MYO7B: variants seen among roughly 807,000 people sequenced by gnomAD.
The protein encoded by MYO7B is unconventional myosin-VIIb.
Under a neutral mutation model 259.7 loss-of-function variants are expected in MYO7B, and 212 were observed. The ratio of observed to expected loss-of-function variants is 0.82; its 90% confidence interval spans 0.73 to 0.91. The LOEUF (loss-of-function observed/expected upper bound fraction) is 0.91, where lower values mean the gene tolerates loss of function less well. MYO7B is among the 40% of genes least tolerant of loss of function. The pLI, the probability that MYO7B is intolerant of heterozygous loss-of-function variation, is 0.00. For missense variants in MYO7B, 2,732 were observed against 2,813.5 expected, an observed-to-expected ratio of 0.97 and a Z score of 0.66; for synonymous variants, 1,197 against 1,166.4, an observed-to-expected ratio of 1.03 and a Z score of -0.54.
At chr2:127,634,426 G>C in intron 41 of MYO7B, 137 bp downstream of exon 41, 1 of 881,982 alleles carries the variant, frequency 1.1e-6, no homozygotes, top group East Asian at 2.7e-5. Context: ...CTGGGACAGA[G>C]GTAGGTGGGG....
In MYO7B at chr2:127,627,644, G is replaced by C. The variant is rs1479523611; in HGVS notation, c.4460+334G>C. On this transcript the variant is annotated intron_variant, in intron 33 of 47. Coordinates refer to ENST00000409816, the MANE Select transcript of MYO7B (RefSeq NM_001393586.1). This position sits in a 1 kb window ranked among gnomAD's most constrained non-coding sequence, Gnocchi z 5.6. ...CCTTTCTTTGTCATGGACGAGAACTGGTGGCCTGGAGGGTACAGGTTGTCT... is the reference window on the plus strand; with the variant it reads ...CCTTTCTTTGTCATGGACGAGAACTCGTGGCCTGGAGGGTACAGGTTGTCT... 2.1e-6 allele frequency: 1 copy of C among 477,332 alleles called. No homozygotes were observed. The highest frequency in any genetic ancestry group is 4.1e-6 in the Non-Finnish European group (1 of 241,326). 29.6% of individuals were successfully genotyped at this position (477,332 alleles called of 1,614,324 possible).
chr2:127,536,913 G>GC (rs1692802688), intron 1 of MYO7B, among the ~76,000 whole-genome samples: 1 of 152,180 alleles, frequency 6.6e-6, no homozygotes, highest in Non-Finnish European at 1.5e-5. Context: ...GGCTGTCTTG[G>GC]GGCCTGCTGC....
Position 127,615,753 on chromosome 2 carries a change from C to G in MYO7B, c.3398+3150C>G, listed in dbSNP as rs193198947. ...GTGGTATACTAGATCACGACTCTCACTCTTTCGGCCTGCAACATCTCTCCC... is the reference window on the plus strand; with the variant it reads ...GTGGTATACTAGATCACGACTCTCAGTCTTTCGGCCTGCAACATCTCTCCC... On this transcript the variant is annotated intron_variant, in intron 26 of 47. Coordinates refer to ENST00000409816, the MANE Select transcript of MYO7B (RefSeq NM_001393586.1). This position sits in a 1 kb window ranked among gnomAD's most constrained non-coding sequence, Gnocchi z 4.4. Among the ~76,000 whole-genome samples the G allele has an allele frequency of 7.8e-4, 118 of 152,010 alleles. 1 individual carries two copies. Among genetic ancestry groups the G allele is most frequent in the South Asian group, 5.6e-3 (27 of 4,798 alleles).
At chr2:127,570,058 T>TG (rs1678530906) in intron 6 of MYO7B, 148 bp downstream of exon 6, 1 of 1,047,608 alleles carries the variant, frequency 9.5e-7, no homozygotes, top group African/African-American at 1.6e-5. Flanking sequence ...GTGGGGTGCA[T>TG]GGTAGGGGAA....
chr2:127,622,133 G>C, intron 28 of MYO7B, 32 bp downstream of exon 28: 3 of 1,538,532 alleles, frequency 1.9e-6, no homozygotes, highest in Non-Finnish European at 2.6e-6. Flanking sequence ...AGCGGGCAGG[G>C]TGGGGTGGTG....
At chr2:127,593,720 G>A (rs540337490) in intron 18 of MYO7B, 76 bp downstream of exon 18, 3 of 1,301,102 alleles carry the variant, frequency 2.3e-6, no homozygotes, top group African/African-American at 2.9e-5. Context: ...CCAGGCCCGG[G>A]GTCCATGGTC....
chr2:127,549,362 G>T (rs751540382), intron 1 of MYO7B, among the ~76,000 whole-genome samples: 7 of 152,230 alleles, frequency 4.6e-5, no homozygotes, highest in Non-Finnish European at 8.8e-5. Flanking sequence ...ACATGTACAG[G>T]TTCGTTACGT....
rs371028281 is a variant in MYO7B at position 127,579,750 on chromosome 2, C to T, written c.1004-996C>T. Among the ~76,000 whole-genome samples, 15 of 152,232 alleles carry T rather than the reference C, an allele frequency of 9.9e-5. No individual in the cohort carries two copies. The East Asian group carries it at 1.9e-3, about 20-fold the overall frequency. On this transcript the variant is annotated intron_variant, in intron 9 of 47. Transcript: ENST00000409816. ...ACAGGGGTCTGCCACCACAGCCTGGCTAATTTTGTATTTTTAGTAAAGATG... is the reference window on the plus strand; with the variant it reads ...ACAGGGGTCTGCCACCACAGCCTGGTTAATTTTGTATTTTTAGTAAAGATG...
chr2:127,595,486 T>G lies in MYO7B; in HGVS notation c.2245-976T>G, dbSNP rs562212825. Among the ~76,000 whole-genome samples the G allele has an allele frequency of 4.6e-4, 70 of 152,358 alleles. No individual in the cohort carries two copies. The South Asian group carries it at 9.9e-3, about 22-fold the overall frequency. ...TATCTCCTTCAGTTCTGCTCTGATCTTGGTTTCTTCTTGTCTTCTGCTAAT... is the reference window on the plus strand; with the variant it reads ...TATCTCCTTCAGTTCTGCTCTGATCGTGGTTTCTTCTTGTCTTCTGCTAAT... On this transcript the variant is annotated intron_variant, in intron 18 of 47. Transcript: ENST00000409816.
chr2:127,606,129 A>G (rs1680150641), intron 20 of MYO7B, among the ~76,000 whole-genome samples: 1 of 152,196 alleles, frequency 6.6e-6, no homozygotes, highest in Non-Finnish European at 1.5e-5. Context: ...CTCTGGCCCC[A>G]TGGTCTGCAG....
In MYO7B at chr2:127,635,142, C is replaced by T. The variant is rs140035193; in HGVS notation, c.5736C>T (p.Tyr1912=). 713 of 1,613,288 alleles carry T rather than the reference C, an allele frequency of 4.4e-4. 5 individuals carry two copies. In the African/African-American group the frequency reaches 8.8e-3, roughly 20 times the overall value. ...CAGGGGCCCCCGTGACGCTCCCCTA[C>T]CAGGTGTACTTCATGCGGAAATTGT... ...QKEGAPVTLP[Y]QVYFMRKLWL... is the part of the protein sequence containing the mutation. The change falls in exon 43 of 48, where the codon TAC becomes TAT. Residue 1912 remains tyrosine, a synonymous_variant. Coordinates refer to ENST00000409816, the MANE Select transcript of MYO7B (RefSeq NM_001393586.1).
Position 127,635,223 on chromosome 2 carries a change from CCAGGTACCGGG to C in MYO7B, c.5820+2_5820+12del. ...ATGCAGACACCATACTCCATTACCA[CCAGGTACCGGG>C]CAGGCTGCCCTGGTGGGCACTGGGG... is the stretch of plus-strand genomic sequence containing the variant. On this transcript the variant is annotated splice_donor_variant and splice_donor_5th_base_variant and coding_sequence_variant and intron_variant, in exon 43 of 48. Coordinates refer to ENST00000409816, the MANE Select transcript of MYO7B (RefSeq NM_001393586.1). LOFTEE classifies it high-confidence loss of function. 1 of 1,612,374 alleles carries C rather than the reference CCAGGTACCGGG, an allele frequency of 6.2e-7. No homozygotes were observed. Among genetic ancestry groups the C allele is most frequent in the South Asian group, 1.1e-5 (1 of 90,830 alleles).
At chr2:127,625,314 G>C (rs917584685) in intron 30 of MYO7B, 54 bp from the exon 31 acceptor site, 11 of 1,442,866 alleles carry the variant, frequency 7.6e-6, no homozygotes, top group African/African-American at 7.2e-5. Flanking sequence ...TCCTGGGGAA[G>C]GGGGGAGCTC....
chr2:127,634,355 C>T, intron 41 of MYO7B, 66 bp downstream of exon 41: 1 of 1,243,972 alleles, frequency 8.0e-7, no homozygotes. Flanking sequence ...TAGGTGCTGC[C>T]TGTGGGGGCC....
chr2:127,577,086 C>T lies in MYO7B; in HGVS notation c.849+378C>T, dbSNP rs193038571. Among the ~76,000 whole-genome samples the T allele has an allele frequency of 9.9e-5, 15 of 152,224 alleles. No individual in the cohort carries two copies. The highest frequency in any genetic ancestry group is 6.5e-4 in the Admixed American group (10 of 15,284). On this transcript the variant is annotated intron_variant, in intron 8 of 47. Coordinates refer to ENST00000409816, the MANE Select transcript of MYO7B (RefSeq NM_001393586.1). The surrounding 1 kb of genome is among the most constrained non-coding windows in gnomAD (Gnocchi z 5.2). ...TGCAGGCCCCCTAAAACGTAAGCCC[C>T]GGGCCCCAGGAAAGCAAAGCCCTTC...
At chr2:127,619,681 A>G (rs1680751942) in intron 26 of MYO7B, among the ~76,000 whole-genome samples, 1 of 152,270 alleles carries the variant, frequency 6.6e-6, no homozygotes, top group South Asian at 2.1e-4. Context: ...GAGCTGGTTG[A>G]TAAACATTTA....
rs577477352 is a variant in MYO7B at position 127,587,469 on chromosome 2, T to G, written c.1691-923T>G. The stretch of plus-strand genomic sequence containing the variant: ...GGTTTGATCCCTTCTGAGGCCTCTC[T>G]CCTTTGTATGCAGATGGCCGTCTTC... On this transcript the variant is annotated intron_variant, in intron 14 of 47. Coordinates refer to ENST00000409816, the MANE Select transcript of MYO7B (RefSeq NM_001393586.1). Among the ~76,000 whole-genome samples the G allele has an allele frequency of 2.6e-5, 4 of 152,204 alleles. No individual in the cohort carries two copies. The South Asian group carries it at 8.3e-4, about 32-fold the overall frequency.
rs181946769 is a variant in MYO7B, at chr2:127,549,370, C to T, written c.-23-10330C>T. On this transcript the variant is annotated intron_variant, in intron 1 of 47. Coordinates refer to ENST00000409816, the MANE Select transcript of MYO7B (RefSeq NM_001393586.1). The stretch of plus-strand genomic sequence containing the variant: ...AGGGAGTACATGTACAGGTTCGTTA[C>T]GTGGATACATTGCGTGATGCTGAGG... Among the ~76,000 whole-genome samples, 192 of 152,220 alleles carry T rather than the reference C, an allele frequency of 1.3e-3. 1 individual carries two copies. The highest frequency in any genetic ancestry group is 4.3e-3 in the African/African-American group (178 of 41,522).
At chr2:127,635,064 C>A in intron 42 of MYO7B, 56 bp from the exon 43 acceptor site, 2 of 1,444,426 alleles carry the variant, frequency 1.4e-6, no homozygotes, top group South Asian at 1.2e-5. Flanking sequence ...GGCAGGGGGT[C>A]AGGGCTGGTG....
Sources: allele counts gnomAD v4.1 joint callset (sites outside exome capture counted in the v4.1 genomes callset), GRCh38; gene constraint gnomAD v4.1.1; non-coding constraint Gnocchi (gnomAD v3.1); transcripts MANE v1.5; gene names NCBI Gene and HGNC (gene_info 2026-07-23, HGNC 2026-07-21).